ABCB4: variants seen among roughly 807,000 people sequenced by gnomAD.
ABCB4 encodes phosphatidylcholine translocator ABCB4.
A neutral mutation model predicts 145.7 loss-of-function variants in ABCB4; 76 were observed. That is an observed-to-expected ratio of 0.52 (90% confidence interval 0.43 to 0.63). ABCB4 has a LOEUF of 0.63. Among genes scored for constraint, ABCB4 ranks in the 30% least tolerant of loss-of-function variants. The pLI is 0.00. For synonymous variants in ABCB4, 517 were observed against 566.8 expected (o/e 0.91, Z 1.25); for missense variants, 1,234 against 1,553.1 (o/e 0.79, Z 3.45).
chr7:87,475,367 G>C lies in ABCB4; in HGVS notation c.80+19C>G. ...TGATTGGCGTGTAACGGAAAAGCCA[G>C]TGGCTGCTGGGGATGTACCTGCTGA... On this transcript the variant is annotated intron_variant, in intron 2 of 27. Transcript: ENST00000649586. 6.2e-7 allele frequency: 1 copy of C among 1,614,180 alleles called. No homozygotes were observed.
intron 26 of ABCB4, 184 bp downstream of exon 26, chr7:87,406,104 A>G: frequency 3.1e-6 from 2 of 647,550 alleles, no homozygotes; most frequent in Admixed American, 2.4e-5. Context: ...CTACATTTGT[A>G]TGAGGTAGGC....
the ABCB4 span, among the ~76,000 whole-genome samples, chr7:87,391,197 G>A: frequency 1.3e-5 from 2 of 152,220 alleles, no homozygotes; most frequent in Admixed American, 1.3e-4. Context: ...GAGAACAAGA[G>A]AGAGCTCTCT....
chr7:87,470,411 A>G (rs2116967026), intron 3 of ABCB4, among the ~76,000 whole-genome samples: 1 of 152,346 alleles, frequency 6.6e-6, no homozygotes, highest in East Asian at 1.9e-4. Flanking sequence ...CAGCAAAAGA[A>G]ACTATCATTA....
At chr7:87,433,175 G>A (rs1339306150) in intron 14 of ABCB4, among the ~76,000 whole-genome samples, 1 of 152,138 alleles carries the variant, frequency 6.6e-6, no homozygotes, top group African/African-American at 2.4e-5. Flanking sequence ...ATTTAATAAA[G>A]TAATGTGGTA....
At chr7:87,475,746 C>T (rs1554418506), upstream of ABCB4, 2 of 349,808 alleles carry the variant, frequency 5.7e-6, no homozygotes, top group Non-Finnish European at 1.0e-5. Flanking sequence ...GCCCCCCACG[C>T]GCGTCCGGCC....
chr7:87,383,263 C>T, the ABCB4 span, among the ~76,000 whole-genome samples: 43 of 152,210 alleles, frequency 2.8e-4, 1 homozygote, highest in Admixed American at 3.3e-4. Flanking sequence ...AATCTCCTCT[C>T]CCCCCTACTC....
At chr7:87,463,246 A>AAC (rs56747933) in intron 3 of ABCB4, among the ~76,000 whole-genome samples, 5,239 of 148,080 alleles carry the variant, frequency 0.035, 119 homozygotes, top group African/African-American at 0.043. Context: ...ATTAAGTTTA[A>AAC]ACACACACAC....
intron 21 of ABCB4, 93 bp from the exon 22 acceptor site, chr7:87,413,810 A>G: frequency 1.2e-6 from 1 of 867,084 alleles, no homozygotes; most frequent in Non-Finnish European, 2.0e-6. Context: ...AGTATCCTGA[A>G]GGTTACGTTG....
chr7:87,451,595 C>T (rs755459262), intron 7 of ABCB4, 28 bp downstream of exon 7: 9 of 1,613,952 alleles, frequency 5.6e-6, no homozygotes, highest in Non-Finnish European at 7.6e-6. Context: ...GGGGTTAACA[C>T]ACATAAAAAG....
At chr7:87,466,764 A>G (rs905890722) in intron 3 of ABCB4, among the ~76,000 whole-genome samples, 1 of 152,226 alleles carries the variant, frequency 6.6e-6, no homozygotes, top group Admixed American at 6.5e-5. Flanking sequence ...TAAAGAAAAG[A>G]ATTTTCAACC....
chr7:87,383,631 G>A, the ABCB4 span, among the ~76,000 whole-genome samples: 4 of 151,838 alleles, frequency 2.6e-5, no homozygotes, highest in African/African-American at 9.7e-5. Flanking sequence ...TGAGTAGCTG[G>A]GATTACAGGT....
the ABCB4 span, among the ~76,000 whole-genome samples, chr7:87,394,593 C>G: frequency 6.6e-6 from 1 of 151,382 alleles, no homozygotes. Flanking sequence ...ATTGCTGCAG[C>G]TACACTGGCA....
intron 26 of ABCB4, among the ~76,000 whole-genome samples, chr7:87,404,416 GA>G (rs1584667752): frequency 6.6e-6 from 1 of 151,958 alleles, no homozygotes; most frequent in Non-Finnish European, 1.5e-5. Context: ...AAAACTTTTA[GA>G]AAAAAACATG....
Position 87,423,891 on chromosome 7 carries a change from T to C in ABCB4, c.2211+15A>G, listed in dbSNP as rs1241308443. On this transcript the variant is annotated intron_variant, in intron 17 of 27. Transcript: ENST00000649586. ...TGATCTAATTCAGGCTGTTATGTGGTGTTTGCAAACTTACCGCTATGATCT... is the reference window on the plus strand; with the variant it reads ...TGATCTAATTCAGGCTGTTATGTGGCGTTTGCAAACTTACCGCTATGATCT... 1 of 1,614,018 alleles carries C rather than the reference T, an allele frequency of 6.2e-7. No homozygotes were observed. The highest frequency in any genetic ancestry group is 8.5e-7 in the Non-Finnish European group (1 of 1,179,912).
At chr7:87,466,549 C>T (rs1167219572) in intron 3 of ABCB4, among the ~76,000 whole-genome samples, 1 of 152,110 alleles carries the variant, frequency 6.6e-6, no homozygotes, top group Non-Finnish European at 1.5e-5. Context: ...ATACAGAGAA[C>T]ACCACAAAGA....
At chr7:87,391,664 A>T in the ABCB4 span, 1 of 1,612,062 alleles carries the variant, frequency 6.2e-7, no homozygotes, top group Non-Finnish European at 8.5e-7. Flanking sequence ...GATCATGCAC[A>T]GTTGAAGCAG....
the ABCB4 span, chr7:87,391,611 GC>G: frequency 6.2e-7 from 1 of 1,601,538 alleles, no homozygotes; most frequent in Non-Finnish European, 8.5e-7. Flanking sequence ...CTATGAAACA[GC>G]TATGACAAGA....
the ABCB4 span, among the ~76,000 whole-genome samples, chr7:87,377,768 T>C: frequency 6.6e-5 from 10 of 152,342 alleles, no homozygotes; most frequent in African/African-American, 2.2e-4. Flanking sequence ...TATGGCATTA[T>C]GTATGTGTTC....
In ABCB4 at chr7:87,417,378, A is replaced by G. The variant is rs1234007809; in HGVS notation, c.2616T>C (p.Ile872=). The G allele has an allele frequency of 1.9e-6, 3 of 1,614,034 alleles. No homozygotes were observed. The South Asian group carries it at 3.3e-5, about 18-fold the overall frequency. The change falls in exon 21 of 28, where the codon ATT becomes ATC. Residue 872 remains isoleucine, a synonymous_variant. Coordinates refer to ENST00000649586, the MANE Select transcript of ABCB4 (RefSeq NM_000443.4). ...AVVPIIAVSG[I]VEMKLLAGNA... The stretch of plus-strand genomic sequence containing the variant: ...TTCCAGCCAACAATTTCATTTCAAC[A>G]ATTCCTGACACAGCAATAATTGGAA...
Sources: allele counts gnomAD v4.1 joint callset (sites outside exome capture counted in the v4.1 genomes callset), GRCh38; gene constraint gnomAD v4.1.1; transcripts MANE v1.5; gene names NCBI Gene and HGNC (gene_info 2026-07-23, HGNC 2026-07-21).